TEX261: variants seen among roughly 807,000 people sequenced by gnomAD.
TEX261 encodes protein TEX261.
In TEX261, 13 loss-of-function variants were observed where a neutral mutation model predicts 25.1. That is an observed-to-expected ratio of 0.52 (90% CI 0.34 to 0.82). The LOEUF (loss-of-function observed/expected upper bound fraction) is 0.82, where lower values mean the gene tolerates loss of function less well. TEX261 is among the 40% of genes least tolerant of loss of function. TEX261 has a pLI of 0.02. For synonymous variants in TEX261, 92 were observed against 97.8 expected, an observed-to-expected ratio of 0.94 and a Z score of 0.35; for missense variants, 206 against 243.2, an observed-to-expected ratio of 0.85 and a Z score of 1.02.
chr2:70,994,520 C>A lies in TEX261; in HGVS notation c.70+168G>T, dbSNP rs1200907107. ...AGGAGCCACGGTCAGGCCGGGCTGC[C>A]AGGCTCGACAGGAGGGGCAGGATCA... On this transcript the variant is annotated intron_variant, in intron 1 of 5. Transcript: ENST00000272438. 4 of 979,098 alleles carry A rather than the reference C, an allele frequency of 4.1e-6. No homozygotes were observed. In the African/African-American group the frequency reaches 6.9e-5, roughly 17 times the overall value. The allele number at this position is 979,098 out of a possible 1,614,324, so 60.7% of individuals were successfully genotyped here.
chr2:70,992,058 G>A (rs537668153), intron 2 of TEX261, 75 bp from the exon 3 acceptor site: 61 of 1,412,242 alleles, frequency 4.3e-5, no homozygotes, highest in South Asian at 2.7e-4. Context: ...CCCCCAGCCC[G>A]CTCTGGGCAG....
rs73937095 is a variant in TEX261, at chr2:70,986,340, C to T, written c.*2260G>A. Reference sequence around the variant, plus strand: ...AGGGACAAGGACACCATGAGTCTCACAAGCCATGCTGAGGGGTCCAGACTT... The same window carrying T: ...AGGGACAAGGACACCATGAGTCTCATAAGCCATGCTGAGGGGTCCAGACTT... On this transcript the variant is annotated 3_prime_UTR_variant, in exon 6 of 6. Coordinates refer to ENST00000272438, the MANE Select transcript of TEX261 (RefSeq NM_144582.3). The T allele has an allele frequency of 0.04, 6,131 of 152,750 alleles. 343 individuals carry two copies. The highest frequency in any genetic ancestry group is 0.13 in the African/African-American group (5,227 of 41,544). The allele number at this position is 152,750 out of a possible 1,614,324, so 9.5% of individuals were successfully genotyped here. A position where few individuals can be genotyped will look rare whatever the true frequency, so the allele number is the denominator to read the frequency against.
chr2:70,993,811 G>T, intron 1 of TEX261, 36 bp from the exon 2 acceptor site: 1 of 1,548,048 alleles, frequency 6.5e-7, no homozygotes, highest in Middle Eastern at 2.3e-4. Context: ...ATCAGCCAGG[G>T]TCACTCCCAC....
chr2:70,990,050 G>C (rs561655567), intron 3 of TEX261, among the ~76,000 whole-genome samples: 1 of 152,306 alleles, frequency 6.6e-6, no homozygotes, highest in South Asian at 2.1e-4. Flanking sequence ...AAGGCTCTTT[G>C]CATGTTATAA....
chr2:70,990,400 G>A (rs2104871863), intron 3 of TEX261, among the ~76,000 whole-genome samples: 1 of 152,202 alleles, frequency 6.6e-6, no homozygotes, highest in South Asian at 2.1e-4. Flanking sequence ...CCCCAGGTAA[G>A]GCATACCGGT....
chr2:70,994,828 C>G lies in TEX261; in HGVS notation c.-71G>C. 7.8e-7 allele frequency: 1 copy of G among 1,285,930 alleles called. No homozygotes were observed. The highest frequency in any genetic ancestry group is 9.8e-7 in the Non-Finnish European group (1 of 1,016,380). 79.7% of individuals were successfully genotyped at this position (1,285,930 alleles called of 1,614,324 possible). A position where few individuals can be genotyped will look rare whatever the true frequency, so the allele number is the denominator to read the frequency against. Reference sequence around the variant, plus strand: ...CGCTTCGGCTCCGGCGACACACAGCCGCCACCGCCGCCGCCGCCGCCGCGT... The same window carrying G: ...CGCTTCGGCTCCGGCGACACACAGCGGCCACCGCCGCCGCCGCCGCCGCGT... On this transcript the variant is annotated 5_prime_UTR_variant, in exon 1 of 6. Transcript: ENST00000272438.
intron 1 of TEX261, 178 bp downstream of exon 1, chr2:70,994,510 G>A: frequency 4.6e-6 from 4 of 876,662 alleles, no homozygotes; most frequent in Non-Finnish European, 5.1e-6. Context: ...CCACGGTCAG[G>A]CCGGGCTGCC....
chr2:70,994,404 A>C, intron 1 of TEX261: 1 of 522,880 alleles, frequency 1.9e-6, no homozygotes, highest in Middle Eastern at 5.2e-4. Flanking sequence ...GAAGAGTGGG[A>C]GCCGCAGCGG....
intron 4 of TEX261, 105 bp from the exon 5 acceptor site, chr2:70,989,122 T>C: frequency 1.1e-6 from 1 of 929,870 alleles, no homozygotes. Flanking sequence ...CCACACCTGA[T>C]CTCCAAAGGG....
At position 70,988,739 on chromosome 2, in the gene TEX261, T is replaced by TGAGA. The variant is rs781878635; in HGVS notation, c.476-28_476-25dup. 10 of 1,563,970 alleles carry TGAGA rather than the reference T, an allele frequency of 6.4e-6. No individual in the cohort carries two copies. The Admixed American group carries it at 6.7e-5, about 11-fold the overall frequency. On this transcript the variant is annotated intron_variant, in intron 5 of 5. Coordinates refer to ENST00000272438, the MANE Select transcript of TEX261 (RefSeq NM_144582.3). The stretch of plus-strand genomic sequence containing the variant: ...ATCTGTGGAGATACAGGCAAGAATA[T>TGAGA]GAGAGAGAGAGAGAGTGTGTGTGTG...
chr2:70,992,575 C>T (rs1041749355), intron 2 of TEX261, among the ~76,000 whole-genome samples: 2 of 151,892 alleles, frequency 1.3e-5, no homozygotes, highest in African/African-American at 4.8e-5. Context: ...ACTAAAAATA[C>T]AAAATTAGCC....
Position 70,991,923 on chromosome 2 carries a change from C to T in TEX261, c.211G>A (p.Gly71Arg). ...ACGAGGTTGGTGAATAGGCCCACTC[C>T]AATCATGCTGGTGGGGAAGCGCTCA... is the stretch of plus-strand genomic sequence containing the variant. Reference protein sequence around the residue: ...VFERFPTSMIGVGLFTNLVYF... With the variant: ...VFERFPTSMIRVGLFTNLVYF... Residue 71 changes from glycine to arginine, a missense_variant, in exon 3 of 6, where the codon GGA becomes AGA. Physicochemically the swap from Gly to Arg is moderately radical, Grantham distance 125 (BLOSUM62 -2). Transcript: ENST00000272438. The T allele has an allele frequency of 6.2e-7, 1 of 1,613,678 alleles. No individual in the cohort carries two copies. Among genetic ancestry groups the T allele is most frequent in the Non-Finnish European group, 8.5e-7 (1 of 1,179,828 alleles).
intron 4 of TEX261, 155 bp from the exon 5 acceptor site, chr2:70,989,172 T>C: frequency 1.5e-6 from 1 of 659,266 alleles, no homozygotes; most frequent in Non-Finnish European, 2.7e-6. Context: ...CCCTCAGACA[T>C]GGAAATCCTT....
intron 1 of TEX261, chr2:70,994,470 C>T (rs1572943640): frequency 1.6e-6 from 1 of 612,312 alleles, no homozygotes; most frequent in Non-Finnish European, 2.7e-6. Context: ...CGGGCAGTGC[C>T]GGAGCGGACT....
intron 5 of TEX261, 92 bp downstream of exon 5, chr2:70,988,823 C>T (rs1326886763): frequency 2.0e-6 from 3 of 1,534,992 alleles, no homozygotes; most frequent in Non-Finnish European, 2.7e-6. Context: ...GTCTCCAACA[C>T]AGGGCTAGAT....
At position 70,991,853 on chromosome 2, in the gene TEX261, G is replaced by T; in HGVS notation, c.281C>A (p.Ser94Ter). ...ACCACACGACAGGATGAAGTTAGGC[G>T]AGGTCAGCATGATGAAGGGGAAGGT... ...LQTFPFIMLTSPNFILSCGLV... is the reference protein window; with the variant it reads ...LQTFPFIMLT The change falls in exon 3 of 6, where the codon TCG becomes TAG. Residue 94 changes from serine to a stop codon, truncating the protein, a stop_gained. Transcript: ENST00000272438. LOFTEE classifies it high-confidence loss of function. 6.2e-7 allele frequency: 1 copy of T among 1,613,540 alleles called. No individual in the cohort carries two copies.
chr2:70,994,825 AGCCGCCACCGCC>A lies in TEX261; in HGVS notation c.-80_-69del, dbSNP rs1397785040. 4.1e-5 allele frequency: 54 copies of A among 1,309,750 alleles called. No homozygotes were observed. The highest frequency in any genetic ancestry group is 2.5e-4 in the Admixed American group (6 of 24,310). 81.1% of individuals were successfully genotyped at this position (1,309,750 alleles called of 1,614,324 possible). A position where few individuals can be genotyped will look rare whatever the true frequency, so the allele number is the denominator to read the frequency against. On this transcript the variant is annotated 5_prime_UTR_variant, in exon 1 of 6. Transcript: ENST00000272438. The stretch of plus-strand genomic sequence containing the variant: ...GCGCGCTTCGGCTCCGGCGACACAC[AGCCGCCACCGCC>A]GCCGCCGCCGCCGCGTCCCCGCCCC...
intron 1 of TEX261, 189 bp downstream of exon 1, chr2:70,994,499 G>C: frequency 1.3e-6 from 1 of 780,502 alleles, no homozygotes; most frequent in Non-Finnish European, 2.0e-6. Flanking sequence ...CCTGGAAGGA[G>C]CCACGGTCAG....
chr2:70,989,175 A>C, intron 4 of TEX261, 158 bp from the exon 5 acceptor site: 1 of 657,642 alleles, frequency 1.5e-6, no homozygotes, highest in Admixed American at 2.5e-5. Flanking sequence ...TCAGACATGG[A>C]AATCCTTCTG....
Sources: gnomAD v4.1 joint callset for allele counts (sites outside exome capture counted in the v4.1 genomes callset) on GRCh38, gnomAD v4.1.1 for gene constraint, MANE v1.5 for transcripts, NCBI Gene and HGNC (gene_info 2026-07-23, HGNC 2026-07-21) for gene names.